The following CADM2 variants were observed in gnomAD, a reference collection of about 807,000 sequenced individuals.
The protein encoded by CADM2 is immunoglobulin superfamily member 4D.
CADM2 carries 12 observed loss-of-function variants against 49.8 expected under a neutral mutation model. The ratio of observed to expected loss-of-function variants is 0.24; its 90% CI spans 0.15 to 0.39. The LOEUF is 0.39. Ranked by LOEUF, CADM2 falls within the 10% of genes least tolerant of loss-of-function variation. The pLI is 1.00. For synonymous variants in CADM2, 214 were observed against 175.4 expected, an observed-to-expected ratio of 1.22 and a Z score of -1.74; for missense variants, 378 against 492.3, an observed-to-expected ratio of 0.77 and a Z score of 2.20.
intron 1 of CADM2, among the ~76,000 whole-genome samples, chr3:85,447,272 A>G (rs2037514055): frequency 6.6e-6 from 1 of 151,872 alleles, no homozygotes. Context: ...GGAATGTGAC[A>G]TGAGAGAACA....
intron 8 of CADM2, among the ~76,000 whole-genome samples, chr3:86,057,387 G>A (rs901552469): frequency 3.3e-5 from 5 of 152,078 alleles, no homozygotes; most frequent in African/African-American, 1.2e-4. Flanking sequence ...GTACATATCT[G>A]GATGAGTCAT....
intron 8 of CADM2, among the ~76,000 whole-genome samples, chr3:85,981,748 G>A (rs1374355735): frequency 2.0e-5 from 3 of 151,626 alleles, no homozygotes; most frequent in Non-Finnish European, 4.4e-5. Flanking sequence ...TCTTCATCCA[G>A]TCCACCACTG....
chr3:85,795,098 G>T (rs2071545628), intron 2 of CADM2, among the ~76,000 whole-genome samples: 1 of 151,578 alleles, frequency 6.6e-6, no homozygotes, highest in Non-Finnish European at 1.5e-5. Flanking sequence ...TTATTTTTGT[G>T]GTAAGAACAT....
At chr3:85,365,447 A>G (rs1248662098) in intron 1 of CADM2, among the ~76,000 whole-genome samples, 2 of 152,170 alleles carry the variant, frequency 1.3e-5, no homozygotes, top group African/African-American at 4.8e-5. Context: ...TTGACTAAAA[A>G]TATTGGCCCA....
intron 7 of CADM2, among the ~76,000 whole-genome samples, chr3:85,958,320 G>A (rs972179481): frequency 1.3e-5 from 2 of 152,030 alleles, no homozygotes; most frequent in Non-Finnish European, 2.9e-5. Flanking sequence ...AGGCTGTGGA[G>A]AAATAGGAAC....
chr3:85,304,691 T>G (rs1202460715), intron 1 of CADM2, among the ~76,000 whole-genome samples: 1 of 151,836 alleles, frequency 6.6e-6, no homozygotes, highest in Non-Finnish European at 1.5e-5. Flanking sequence ...AATTTAGAAT[T>G]GATTTGCATA....
At chr3:85,593,216 GT>G (rs2063154007) in intron 1 of CADM2, among the ~76,000 whole-genome samples, 1 of 151,690 alleles carries the variant, frequency 6.6e-6, no homozygotes, top group South Asian at 2.1e-4. Flanking sequence ...TAGGGTACAT[GT>G]GCACAATGTG....
At chr3:85,464,239 A>G (rs546938742) in intron 1 of CADM2, among the ~76,000 whole-genome samples, 16 of 152,282 alleles carry the variant, frequency 1.1e-4, no homozygotes, top group African/African-American at 3.4e-4. Context: ...ATGATTATAT[A>G]TTTATTTTTA....
chr3:85,303,457 G>T (rs923661632), intron 1 of CADM2, among the ~76,000 whole-genome samples: 1 of 151,820 alleles, frequency 6.6e-6, no homozygotes, highest in African/African-American at 2.4e-5. Flanking sequence ...GGGGACACGG[G>T]TGTTATATTC....
intron 1 of CADM2, among the ~76,000 whole-genome samples, chr3:85,335,353 C>G (rs556833809): frequency 2.6e-5 from 4 of 151,526 alleles, no homozygotes; most frequent in Admixed American, 2.6e-4. Context: ...TTGATTTTAA[C>G]TCTTCTTCTT....
intron 8 of CADM2, among the ~76,000 whole-genome samples, chr3:85,972,094 G>T (rs1726226647): frequency 6.6e-6 from 1 of 151,530 alleles, no homozygotes; most frequent in African/African-American, 2.4e-5. Flanking sequence ...TCTCAACCTG[G>T]TGGTTATCAT....
intron 1 of CADM2, among the ~76,000 whole-genome samples, chr3:85,372,065 C>A (rs2107322041): frequency 6.6e-6 from 1 of 151,952 alleles, no homozygotes; most frequent in African/African-American, 2.4e-5. Flanking sequence ...AATCTGCTGA[C>A]TTTATTACAT....
At chr3:85,373,385 C>T (rs1390474666) in intron 1 of CADM2, among the ~76,000 whole-genome samples, 1 of 152,112 alleles carries the variant, frequency 6.6e-6, no homozygotes, top group Non-Finnish European at 1.5e-5. Flanking sequence ...GGGTGGGTTC[C>T]CATGGTCTTG....
chr3:85,830,188 A>G (rs906956492), intron 3 of CADM2, among the ~76,000 whole-genome samples: 16 of 151,908 alleles, frequency 1.1e-4, no homozygotes, highest in African/African-American at 3.9e-4. Flanking sequence ...ACTTGTTATC[A>G]CTTCTCATTT....
At chr3:85,114,837 G>C (rs553694546) in intron 1 of CADM2, among the ~76,000 whole-genome samples, 1 of 152,116 alleles carries the variant, frequency 6.6e-6, no homozygotes, top group African/African-American at 2.4e-5. Context: ...CTTTTTATAT[G>C]ACCTTTTTTT....
At chr3:85,144,955 T>A (rs2039693434) in intron 1 of CADM2, among the ~76,000 whole-genome samples, 1 of 152,180 alleles carries the variant, frequency 6.6e-6, no homozygotes, top group African/African-American at 2.4e-5. Flanking sequence ...AAGTGAAGTG[T>A]CAGATGTATG....
chr3:85,142,635 A>G lies in CADM2; in HGVS notation c.61+182967A>G, dbSNP rs118075021. Among the ~76,000 whole-genome samples the G allele has an allele frequency of 5.3e-5, 8 of 152,360 alleles. No individual in the cohort carries two copies. In the East Asian group the frequency reaches 7.7e-4, roughly 15 times the overall value. ...GAAGAAAATGAACTAATTATTCCCAATGAGTTAAAGTGAGGATAAATTGCA... is the reference window on the plus strand; with the variant it reads ...GAAGAAAATGAACTAATTATTCCCAGTGAGTTAAAGTGAGGATAAATTGCA... On this transcript the variant is annotated intron_variant, in intron 1 of 9. Coordinates refer to ENST00000383699, the MANE Select transcript of CADM2 (RefSeq NM_001167675.2).
At chr3:85,256,081 A>G (rs1559745545) in intron 1 of CADM2, among the ~76,000 whole-genome samples, 1 of 151,890 alleles carries the variant, frequency 6.6e-6, no homozygotes, top group Non-Finnish European at 1.5e-5. Context: ...TTCCTTTTTC[A>G]CTTGATTCGT....
intron 1 of CADM2, among the ~76,000 whole-genome samples, chr3:85,229,400 C>T (rs1420503322): frequency 1.3e-5 from 2 of 152,162 alleles, no homozygotes; most frequent in African/African-American, 4.8e-5. Context: ...CTCCCGACCC[C>T]TTGTGCTTCC....
Sources: allele counts gnomAD v4.1 joint callset (sites outside exome capture counted in the v4.1 genomes callset), GRCh38; gene constraint gnomAD v4.1.1; transcripts MANE v1.5; gene names NCBI Gene and HGNC (gene_info 2026-07-23, HGNC 2026-07-21).